SNX29: variants seen among roughly 807,000 people sequenced by gnomAD.
SNX29 encodes sorting nexin 29.
Under a neutral mutation model 102.1 loss-of-function variants are expected in SNX29, and 78 were observed. That is an observed-to-expected ratio of 0.76 (90% CI 0.64 to 0.92). The LOEUF is 0.92. Among genes scored for constraint, SNX29 ranks in the 40% least tolerant of loss-of-function variants. SNX29 has a pLI of 0.00. For synonymous variants in SNX29, 580 were observed against 414.5 expected, an observed-to-expected ratio of 1.40 and a Z score of -4.85; for missense variants, 1,280 against 1,061.7, an observed-to-expected ratio of 1.21 and a Z score of -2.86.
At chr16:12,554,872 G>T (rs970141231) in intron 20 of SNX29, among the ~76,000 whole-genome samples, 1 of 152,178 alleles carries the variant, frequency 6.6e-6, no homozygotes, top group Non-Finnish European at 1.5e-5. Flanking sequence ...AGAGGACAAA[G>T]ATATGTCAGC....
At chr16:12,549,394 C>T (rs925932018) in intron 20 of SNX29, among the ~76,000 whole-genome samples, 1 of 152,194 alleles carries the variant, frequency 6.6e-6, no homozygotes, top group Non-Finnish European at 1.5e-5. Flanking sequence ...ACTCAGAAGG[C>T]TGAGGCAGGA....
chr16:11,977,450 CGG>C (rs2055327915), intron 1 of SNX29: 2 of 152,994 alleles, frequency 1.3e-5, no homozygotes, highest in Non-Finnish European at 2.9e-5. Flanking sequence ...CTTCCCTCTC[CGG>C]TCCTGGCTTT....
At chr16:12,139,521 A>G (rs2054791940) in intron 13 of SNX29, among the ~76,000 whole-genome samples, 1 of 152,154 alleles carries the variant, frequency 6.6e-6, no homozygotes, top group South Asian at 2.1e-4. Flanking sequence ...GAGAAATGTC[A>G]ATTCTTCCAG....
intron 11 of SNX29, among the ~76,000 whole-genome samples, chr16:12,113,263 C>G (rs141971617): frequency 6.6e-6 from 1 of 152,112 alleles, no homozygotes; most frequent in Non-Finnish European, 1.5e-5. Context: ...CAGGAGGTGC[C>G]GTCATGCCCA....
chr16:12,270,102 C>T (rs1267663486), intron 14 of SNX29, among the ~76,000 whole-genome samples: 2 of 152,116 alleles, frequency 1.3e-5, no homozygotes, highest in African/African-American at 2.4e-5. Context: ...CTCAAGTGAT[C>T]CACCCACCTT....
chr16:12,115,049 C>CA (rs1567218923), intron 11 of SNX29, among the ~76,000 whole-genome samples: 1 of 152,108 alleles, frequency 6.6e-6, no homozygotes, highest in Admixed American at 6.6e-5. Flanking sequence ...GGGATGACAC[C>CA]ACCAGTTCCA....
intron 4 of SNX29, among the ~76,000 whole-genome samples, chr16:12,040,531 G>C (rs1390241926): frequency 2.6e-5 from 4 of 152,334 alleles, no homozygotes; most frequent in Middle Eastern, 3.4e-3. Flanking sequence ...CCTTAAATCT[G>C]TTCCTATCCT....
intron 20 of SNX29, among the ~76,000 whole-genome samples, chr16:12,565,482 C>T (rs12918863): frequency 3.3e-5 from 5 of 151,932 alleles, no homozygotes; most frequent in Non-Finnish European, 5.9e-5. Flanking sequence ...CATCACAGCA[C>T]CCCTGCCTCC....
intron 18 of SNX29, among the ~76,000 whole-genome samples, chr16:12,435,975 G>C (rs1294472672): frequency 1.3e-5 from 2 of 152,204 alleles, no homozygotes; most frequent in African/African-American, 4.8e-5. Context: ...CGTAGGCCCA[G>C]GGTCTGGGCC....
chr16:12,093,698 G>A (rs2052654875), intron 11 of SNX29: 1 of 152,194 alleles, frequency 6.6e-6, no homozygotes, highest in South Asian at 2.1e-4. Flanking sequence ...TTATCCCCTT[G>A]GTGGATTCCT....
intron 13 of SNX29, among the ~76,000 whole-genome samples, chr16:12,134,199 A>G (rs1597009219): frequency 6.6e-6 from 1 of 152,240 alleles, no homozygotes; most frequent in East Asian, 1.9e-4. Context: ...AAGCAAGTAA[A>G]TGGGTTCTTG....
rs1219794016 is a variant in SNX29, at chr16:12,144,713, G to T, written c.1595+14955G>T. On this transcript the variant is annotated intron_variant, in intron 13 of 20. Transcript: ENST00000566228. ...TAGCAGCACAAAACAGACTGAGACG[G>T]CTTGCTTTGTGGGTATTTATTTTTT... 3.3e-5 allele frequency among the ~76,000 whole-genome samples: 5 copies of T among 152,334 alleles called. No individual in the cohort carries two copies. The East Asian group carries it at 9.6e-4, about 29-fold the overall frequency.
intron 4 of SNX29, among the ~76,000 whole-genome samples, chr16:12,033,610 CTT>C (rs869128492): frequency 1.5e-4 from 21 of 140,044 alleles, no homozygotes; most frequent in Non-Finnish European, 1.4e-4. Context: ...TTTCTTTTTT[CTT>C]TTTTTTTTTT....
At chr16:12,093,426 A>G (rs1280968733) in intron 11 of SNX29, among the ~76,000 whole-genome samples, 1 of 136,010 alleles carries the variant, frequency 7.4e-6, no homozygotes, top group Non-Finnish European at 1.6e-5. Flanking sequence ...CCTGGGCAAC[A>G]TAGTGAGACC....
intron 11 of SNX29, among the ~76,000 whole-genome samples, chr16:12,108,006 AG>A (rs1394039881): frequency 6.6e-6 from 1 of 151,982 alleles, no homozygotes; most frequent in Non-Finnish European, 1.5e-5. Context: ...ATTTATTAGG[AG>A]TTGCTAGAAA....
intron 3 of SNX29, among the ~76,000 whole-genome samples, chr16:12,023,747 G>A (rs910117667): frequency 2.0e-5 from 3 of 152,114 alleles, no homozygotes; most frequent in Non-Finnish European, 2.9e-5. Context: ...GTGTGACCTC[G>A]TGTATGACAT....
rs36212472 is a variant in SNX29, at chr16:12,125,605, C to CTTTTTTTTTTTTTTTT, written c.1403-1007_1403-992dup. On this transcript the variant is annotated intron_variant, in intron 11 of 20. Coordinates refer to ENST00000566228, the MANE Select transcript of SNX29 (RefSeq NM_032167.5). Reference sequence around the variant, plus strand: ...AGGGGGGCTTGTGGCTGAGATCTCTCTTTTTTTTTTTTTTTTTTTTTTTTT... The same window carrying CTTTTTTTTTTTTTTTT: ...AGGGGGGCTTGTGGCTGAGATCTCTCTTTTTTTTTTTTTTTTTTTTTTTTTTTTTTTTTTTTTTTTT... 4.4e-5 allele frequency among the ~76,000 whole-genome samples: 2 copies of CTTTTTTTTTTTTTTTT among 45,406 alleles called. 1 individual carries two copies. The highest frequency in any genetic ancestry group is 1.8e-4 in the African/African-American group (2 of 10,896). 29.8% of individuals were successfully genotyped at this position (45,406 alleles called of 152,430 possible). A position where few individuals can be genotyped will look rare whatever the true frequency, so the allele number is the denominator to read the frequency against.
intron 19 of SNX29, among the ~76,000 whole-genome samples, chr16:12,499,504 C>T (rs1173106246): frequency 2.0e-5 from 3 of 152,162 alleles, no homozygotes; most frequent in African/African-American, 7.2e-5. Flanking sequence ...CATAGCTCTG[C>T]ACTGGTCAGC....
At chr16:12,563,116 C>A (rs1399043270) in intron 20 of SNX29, among the ~76,000 whole-genome samples, 4 of 152,064 alleles carry the variant, frequency 2.6e-5, no homozygotes, top group Non-Finnish European at 5.9e-5. Flanking sequence ...ACAACAGAGC[C>A]TAGGAAAGGT....
Sources: allele counts gnomAD v4.1 joint callset (sites outside exome capture counted in the v4.1 genomes callset), GRCh38; gene constraint gnomAD v4.1.1; transcripts MANE v1.5; gene names NCBI Gene and HGNC (gene_info 2026-07-23, HGNC 2026-07-21).